The following MBNL1 variants were observed in gnomAD, a reference collection of about 807,000 sequenced individuals.
MBNL1 encodes the protein muscleblind-like protein 1.
Under a neutral mutation model 42.2 loss-of-function variants are expected in MBNL1, and 8 were observed. The ratio of observed to expected loss-of-function variants is 0.19; its 90% CI spans 0.11 to 0.34. The LOEUF (loss-of-function observed/expected upper bound fraction) is 0.34, where lower values mean the gene tolerates loss of function less well. Among genes scored for constraint, MBNL1 ranks in the 10% least tolerant of loss-of-function variants. The pLI, the probability that MBNL1 is intolerant of heterozygous loss-of-function variation, is 1.00. For synonymous variants in MBNL1, 169 were observed against 173.9 expected, an observed-to-expected ratio of 0.97 and a Z score of 0.22; for missense variants, 309 against 495.3, an observed-to-expected ratio of 0.62 and a Z score of 3.57.
chr3:152,455,593 G>A lies in MBNL1; in HGVS notation c.997+16G>A, dbSNP rs199936643. 878 of 1,612,306 alleles carry A rather than the reference G, an allele frequency of 5.4e-4. 1 individual carries two copies. Among genetic ancestry groups the A allele is most frequent in the Non-Finnish European group, 7.1e-4 (834 of 1,178,590 alleles). On this transcript the variant is annotated intron_variant, in intron 7 of 9. Coordinates refer to ENST00000324210, the MANE Select transcript of MBNL1 (RefSeq NM_021038.5). The stretch of plus-strand genomic sequence containing the variant: ...ACAAGTGTTGGTAGGTGCCAGCTTT[G>A]TTTCTTGATTATCTTAAACCTATGG...
intron 2 of MBNL1, among the ~76,000 whole-genome samples, chr3:152,394,182 A>G (rs995841621): frequency 2.6e-5 from 4 of 152,220 alleles, no homozygotes; most frequent in Admixed American, 2.0e-4. Flanking sequence ...CCAAAGGGTA[A>G]CAGATAACAT....
intron 1 of MBNL1, among the ~76,000 whole-genome samples, chr3:152,281,951 G>A (rs183122101): frequency 6.6e-6 from 1 of 151,478 alleles, no homozygotes; most frequent in Non-Finnish European, 1.5e-5. Context: ...GCATGTCCAT[G>A]TGTGTATGTG....
chr3:152,462,118 A>G lies in MBNL1; in HGVS notation c.*19-267A>G, dbSNP rs1747227070. ...GTATATTAGGCCCCCTGATTCTGCAAATGTATTTTATACTTTTAGTTTAGG... is the reference window on the plus strand; with the variant it reads ...GTATATTAGGCCCCCTGATTCTGCAGATGTATTTTATACTTTTAGTTTAGG... On this transcript the variant is annotated intron_variant, in intron 9 of 9. Coordinates refer to ENST00000324210, the MANE Select transcript of MBNL1 (RefSeq NM_021038.5). Among the ~76,000 whole-genome samples, 3 of 152,288 alleles carry G rather than the reference A, an allele frequency of 2.0e-5. No individual in the cohort carries two copies. The South Asian group carries it at 6.2e-4, about 32-fold the overall frequency.
intron 1 of MBNL1, among the ~76,000 whole-genome samples, chr3:152,271,246 C>T (rs1292311310): frequency 2.6e-5 from 4 of 152,006 alleles, no homozygotes; most frequent in Non-Finnish European, 5.9e-5. Context: ...TTCCTTTGGG[C>T]ACAGAATTCC....
rs189972834 is a variant in MBNL1, at chr3:152,410,453, A to G, written c.175-4488A>G. 2.0e-5 allele frequency among the ~76,000 whole-genome samples: 3 copies of G among 152,360 alleles called. No homozygotes were observed. The East Asian group carries it at 5.8e-4, about 29-fold the overall frequency. ...TTGAAAAGTACAGAAAAAATATTAC[A>G]AAAAATGAACTTGGTGTAGACCAAT... On this transcript the variant is annotated intron_variant, in intron 2 of 9. Transcript: ENST00000324210.
intron 6 of MBNL1, among the ~76,000 whole-genome samples, chr3:152,452,262 C>T (rs557405872): frequency 6.6e-6 from 1 of 152,176 alleles, no homozygotes; most frequent in Non-Finnish European, 1.5e-5. Context: ...GAAATTACGG[C>T]GTGTAAGAAA....
At chr3:152,294,561 GGCGT>G (rs1435100026) in intron 1 of MBNL1, among the ~76,000 whole-genome samples, 5 of 152,086 alleles carry the variant, frequency 3.3e-5, no homozygotes, top group Admixed American at 3.3e-4. Context: ...TGGGATTACA[GGCGT>G]GAGCCACCGT....
upstream of MBNL1, chr3:152,263,228 T>A (rs1354327821): frequency 2.0e-5 from 3 of 152,202 alleles, no homozygotes; most frequent in Non-Finnish European, 4.4e-5. Context: ...GCATATATAG[T>A]ACAATATTAA....
intron 9 of MBNL1, 99 bp downstream of exon 9, chr3:152,459,444 A>G: frequency 2.1e-6 from 1 of 474,104 alleles, no homozygotes; most frequent in Non-Finnish European, 3.8e-6. Context: ...TCTCTGAGAA[A>G]ATATATACAG....
intron 2 of MBNL1, among the ~76,000 whole-genome samples, chr3:152,339,402 C>T (rs2092455600): frequency 6.6e-6 from 1 of 151,964 alleles, no homozygotes; most frequent in South Asian, 2.1e-4. Flanking sequence ...TCAGCAGCAT[C>T]TTAAGTTAAC....
intron 2 of MBNL1, among the ~76,000 whole-genome samples, chr3:152,382,168 G>T (rs1257425642): frequency 6.6e-6 from 1 of 152,050 alleles, no homozygotes; most frequent in East Asian, 1.9e-4. Flanking sequence ...CCACTTGGCA[G>T]TGGAAAAAGC....
intron 1 of MBNL1, among the ~76,000 whole-genome samples, chr3:152,277,805 T>C (rs1319787017): frequency 2.6e-5 from 4 of 152,052 alleles, no homozygotes; most frequent in Non-Finnish European, 5.9e-5. Context: ...ATAAAGACAG[T>C]TTTCAAGAAA....
Position 152,422,195 on chromosome 3 carries a change from G to T in MBNL1, c.345+7084G>T, listed in dbSNP as rs559506611. Among the ~76,000 whole-genome samples, 4 of 146,944 alleles carry T rather than the reference G, an allele frequency of 2.7e-5. No individual in the cohort carries two copies. The East Asian group carries it at 7.9e-4, about 29-fold the overall frequency. ...TGTATTCAGGATACCCATCCTACGT[G>T]CAAAGACACACATAGTCTCAAAATA... On this transcript the variant is annotated intron_variant, in intron 3 of 9. Transcript: ENST00000324210.
At chr3:152,361,582 A>G (rs1192214052) in intron 2 of MBNL1, among the ~76,000 whole-genome samples, 36 of 152,000 alleles carry the variant, frequency 2.4e-4, no homozygotes, top group Admixed American at 2.3e-3. Flanking sequence ...ACACAGGGCT[A>G]GAGGGTTAGG....
intron 2 of MBNL1, among the ~76,000 whole-genome samples, chr3:152,400,483 A>G (rs1406398565): frequency 1.3e-5 from 2 of 152,230 alleles, no homozygotes; most frequent in Non-Finnish European, 2.9e-5. Context: ...TGCTATAAAT[A>G]ACACTGATAA....
chr3:152,443,738 A>G (rs1290165004), intron 4 of MBNL1, among the ~76,000 whole-genome samples: 1 of 152,188 alleles, frequency 6.6e-6, no homozygotes, highest in East Asian at 1.9e-4. Context: ...AATAAGATAA[A>G]TATGCTAATA....
chr3:152,404,911 A>G (rs1348609696), intron 2 of MBNL1, among the ~76,000 whole-genome samples: 3 of 151,980 alleles, frequency 2.0e-5, no homozygotes, highest in Non-Finnish European at 4.4e-5. Context: ...GATAATATGA[A>G]GCAATATTTT....
intron 7 of MBNL1, 143 bp from the exon 8 acceptor site, chr3:152,456,124 A>G (rs1164290638): frequency 3.1e-6 from 2 of 647,540 alleles, no homozygotes; most frequent in African/African-American, 3.5e-5. Context: ...CTGTGATTGC[A>G]TGTCACTCGC....
intron 2 of MBNL1, among the ~76,000 whole-genome samples, chr3:152,312,980 T>C (rs938835525): frequency 2.0e-5 from 3 of 152,112 alleles, no homozygotes; most frequent in Non-Finnish European, 4.4e-5. Flanking sequence ...ACTAGGATCT[T>C]CAGAATAATT....
Sources: gnomAD v4.1 joint callset for allele counts (sites outside exome capture counted in the v4.1 genomes callset) on GRCh38, gnomAD v4.1.1 for gene constraint, MANE v1.5 for transcripts, NCBI Gene and HGNC (gene_info 2026-07-23, HGNC 2026-07-21) for gene names.